Variants in ERCC6L2 observed in about 807,000 individuals in gnomAD.
ERCC6L2 encodes the protein DNA excision repair protein ERCC-6-like 2.
In ERCC6L2, 77 loss-of-function variants were observed where a neutral mutation model predicts 132.0. The observed-to-expected ratio is 0.58, with a 90% CI of 0.49 to 0.71. The LOEUF is 0.71. Ranked by LOEUF, ERCC6L2 falls within the 30% of genes least tolerant of loss-of-function variation. ERCC6L2 has a pLI of 0.00. For synonymous variants in ERCC6L2, 583 were observed against 632.4 expected (o/e 0.92, Z 1.17); for missense variants, 1,542 against 1,837.6 (o/e 0.84, Z 2.94).
Position 95,972,657 on chromosome 9 carries a change from C to A in ERCC6L2, c.2906C>A (p.Ser969Tyr). The change falls in exon 16 of 19, where the codon TCT (serine) becomes TAT (tyrosine). Residue 969 changes from serine (S) to tyrosine (Y), a missense_variant. Physicochemically the swap from Ser to Tyr is moderately radical, Grantham distance 144. Transcript: ENST00000653738. ...KLSPENTTLK[S>Y]ILKRKGTSDI... ...AGTCCTGAGAACACAACCCTGAAATCTATTTTGAAAAGAAAAGGCACCAGT... is the reference window on the plus strand; with the variant it reads ...AGTCCTGAGAACACAACCCTGAAATATATTTTGAAAAGAAAAGGCACCAGT... 7.7e-7 allele frequency: 1 copy of A among 1,296,494 alleles called. No individual in the cohort carries two copies. The highest frequency in any genetic ancestry group is 1.5e-5 in the African/African-American group (1 of 65,950). 80.3% of individuals were successfully genotyped at this position (1,296,494 alleles called of 1,614,324 possible). A position where few individuals can be genotyped will look rare whatever the true frequency, so the allele number is the denominator to read the frequency against.
At chr9:95,917,747 C>T (rs1168633646) in intron 6 of ERCC6L2, among the ~76,000 whole-genome samples, 1 of 152,100 alleles carries the variant, frequency 6.6e-6, no homozygotes, top group Non-Finnish European at 1.5e-5. Context: ...CTTGCAGCAC[C>T]TCTGCTTAGA....
chr9:95,952,772 G>A (rs909265218), intron 12 of ERCC6L2, among the ~76,000 whole-genome samples: 3 of 151,944 alleles, frequency 2.0e-5, no homozygotes, highest in Non-Finnish European at 2.9e-5. Flanking sequence ...CCTGGGAGAC[G>A]AAGGTTGCAG....
chr9:95,958,445 T>C (rs1831727484), intron 13 of ERCC6L2, among the ~76,000 whole-genome samples: 1 of 152,168 alleles, frequency 6.6e-6, no homozygotes, highest in South Asian at 2.1e-4. Context: ...ACTTCCACAA[T>C]GGTTGAACTA....
In ERCC6L2 at chr9:96,015,409, A is replaced by G. The variant is rs1204150979; in HGVS notation, c.*2206A>G. The stretch of plus-strand genomic sequence containing the variant: ...CACCATGTTGGCCAGGCTGGTCTCA[A>G]TCTCCTGGCTGCAAGCGATCCACCT... On this transcript the variant is annotated 3_prime_UTR_variant, in exon 19 of 19. Coordinates refer to ENST00000653738, the MANE Select transcript of ERCC6L2 (RefSeq NM_020207.7). 6.6e-6 allele frequency among the ~76,000 whole-genome samples: 1 copy of G among 151,712 alleles called. No individual in the cohort carries two copies. Among genetic ancestry groups the G allele is most frequent in the East Asian group, 2.0e-4 (1 of 5,082 alleles).
At chr9:95,990,508 G>A (rs1244828861) in intron 17 of ERCC6L2, among the ~76,000 whole-genome samples, 1 of 152,180 alleles carries the variant, frequency 6.6e-6, no homozygotes, top group African/African-American at 2.4e-5. Flanking sequence ...ACCATGAACA[G>A]GCAGTGGCCC....
chr9:95,901,085 A>G (rs1029210242), intron 3 of ERCC6L2, among the ~76,000 whole-genome samples: 2 of 152,036 alleles, frequency 1.3e-5, no homozygotes, highest in African/African-American at 4.8e-5. Flanking sequence ...GAAAAAAAAA[A>G]AAAAATTCTT....
intron 15 of ERCC6L2, among the ~76,000 whole-genome samples, chr9:95,971,266 A>G (rs1387819894): frequency 2.6e-5 from 4 of 152,296 alleles, no homozygotes; most frequent in Admixed American, 2.6e-4. Flanking sequence ...ATAAATTTAG[A>G]GAAATATATG....
intron 14 of ERCC6L2, among the ~76,000 whole-genome samples, chr9:95,969,362 G>A (rs1338352973): frequency 6.6e-6 from 1 of 152,214 alleles, no homozygotes; most frequent in Non-Finnish European, 1.5e-5. Flanking sequence ...GGAGGATACT[G>A]CAGTAATCCA....
At position 95,907,185 on chromosome 9, in the gene ERCC6L2, T is replaced by G. The variant is rs376740581; in HGVS notation, c.702T>G (p.Asn234Lys). The G allele has an allele frequency of 1.2e-5, 20 of 1,613,472 alleles. No homozygotes were observed. Among genetic ancestry groups the G allele is most frequent in the Non-Finnish European group, 1.4e-5 (17 of 1,179,784 alleles). ...VTVLHGNRKD[N>K]ELIRVKQRKC... ...TTTTACATGGAAACAGAAAAGATAATGAATTAATTCGTGTAAAGCAGAGGA... is the reference window on the plus strand; with the variant it reads ...TTTTACATGGAAACAGAAAAGATAAGGAATTAATTCGTGTAAAGCAGAGGA... The change falls in exon 4 of 19, where the codon AAT becomes AAG. Residue 234 changes from asparagine (N) to lysine (K), a missense_variant. By Grantham distance (94) the Asn-to-Lys change is moderately conservative. Coordinates refer to ENST00000653738, the MANE Select transcript of ERCC6L2 (RefSeq NM_020207.7).
Position 95,875,802 on chromosome 9 carries a change from C to G in ERCC6L2, c.-237C>G. 3.5e-6 allele frequency: 2 copies of G among 575,758 alleles called. No homozygotes were observed. Among genetic ancestry groups the G allele is most frequent in the South Asian group, 2.1e-5 (1 of 47,784 alleles). 35.7% of individuals were successfully genotyped at this position (575,758 alleles called of 1,614,324 possible). ...GCTTTGCCAGCCTCACACAGCGTCC[C>G]CTGGCTCTGCCGCCGCTCCGGACGT... On this transcript the variant is annotated 5_prime_UTR_variant, in exon 1 of 19. Coordinates refer to ENST00000653738, the MANE Select transcript of ERCC6L2 (RefSeq NM_020207.7).
At chr9:96,000,883 C>T (rs1833646613) in intron 17 of ERCC6L2, among the ~76,000 whole-genome samples, 1 of 152,334 alleles carries the variant, frequency 6.6e-6, no homozygotes, top group Admixed American at 6.5e-5. Flanking sequence ...TTCTTGGTCT[C>T]ACTGACTTCA....
chr9:95,955,778 G>T, intron 12 of ERCC6L2, 136 bp from the exon 13 acceptor site: 1 of 461,472 alleles, frequency 2.2e-6, no homozygotes, highest in Non-Finnish European at 3.7e-6. Flanking sequence ...ACTAAATAGA[G>T]CATATTTAAA....
At chr9:96,030,142 C>A (rs12683015) in intron 19 of ERCC6L2, among the ~76,000 whole-genome samples, 46 of 152,158 alleles carry the variant, frequency 3.0e-4, no homozygotes, top group Non-Finnish European at 6.2e-4. Context: ...GTCATCGCTC[C>A]GTGGCTAGCT....
At chr9:95,952,981 A>G (rs953770287) in intron 12 of ERCC6L2, among the ~76,000 whole-genome samples, 2 of 152,186 alleles carry the variant, frequency 1.3e-5, no homozygotes, top group Admixed American at 1.3e-4. Flanking sequence ...TTTTGCCAGA[A>G]AAGGACAAAG....
chr9:95,955,807 A>G (rs1030411725), intron 12 of ERCC6L2, 107 bp from the exon 13 acceptor site: 2 of 538,308 alleles, frequency 3.7e-6, no homozygotes, highest in Admixed American at 7.8e-5. Flanking sequence ...GTTTATTTTT[A>G]AATTAATTAA....
At chr9:95,954,544 C>A (rs1388140423) in intron 12 of ERCC6L2, among the ~76,000 whole-genome samples, 1 of 152,174 alleles carries the variant, frequency 6.6e-6, no homozygotes, top group Non-Finnish European at 1.5e-5. Flanking sequence ...TCATCACTTA[C>A]AAATCCTTGC....
chr9:95,907,857 C>CACAAACACACACACA, intron 4 of ERCC6L2, among the ~76,000 whole-genome samples: 1 of 133,740 alleles, frequency 7.5e-6, no homozygotes, highest in African/African-American at 2.8e-5. Context: ...ACACACACAC[C>CACAAACACACACACA]CCCACACCCA....
At chr9:95,924,866 AC>A (rs1830035362) in intron 9 of ERCC6L2, among the ~76,000 whole-genome samples, 1 of 152,160 alleles carries the variant, frequency 6.6e-6, no homozygotes, top group Non-Finnish European at 1.5e-5. Flanking sequence ...CAGGTAATTT[AC>A]TTGGTTTGTG....
In ERCC6L2 at chr9:95,955,895, A is replaced by G; in HGVS notation, c.1848-19A>G. 1.3e-6 allele frequency: 2 copies of G among 1,493,290 alleles called. No homozygotes were observed. Among genetic ancestry groups the G allele is most frequent in the Non-Finnish European group, 1.8e-6 (2 of 1,109,210 alleles). 92.5% of individuals were successfully genotyped at this position (1,493,290 alleles called of 1,614,324 possible). ...GTTGCTTCACTTGATTTTTGTTTGT[A>G]TTTTTAATCCTTTTACAGAGCATAT... On this transcript the variant is annotated intron_variant, in intron 12 of 18. Coordinates refer to ENST00000653738, the MANE Select transcript of ERCC6L2 (RefSeq NM_020207.7).
Sources: gnomAD v4.1 joint callset for allele counts (sites outside exome capture counted in the v4.1 genomes callset) on GRCh38, gnomAD v4.1.1 for gene constraint, MANE v1.5 for transcripts, NCBI Gene and HGNC (gene_info 2026-07-23, HGNC 2026-07-21) for gene names.